The following IFT74 variants were observed in gnomAD, a reference collection of about 807,000 sequenced individuals.
IFT74 encodes the protein intraflagellar transport 74, also known as intraflagellar transport protein 74 homolog.
A neutral mutation model predicts 96.7 loss-of-function variants in IFT74; 92 were observed. The observed-to-expected ratio is 0.95, with a 90% CI of 0.80 to 1.13. The LOEUF (loss-of-function observed/expected upper bound fraction) is 1.13. Ranked by LOEUF, IFT74 falls within the 50% of genes most tolerant of loss-of-function variation. IFT74 has a pLI of 0.00. For synonymous variants in IFT74, 223 were observed against 213.2 expected, an observed-to-expected ratio of 1.05 and a Z score of -0.40; for missense variants, 811 against 698.2, an observed-to-expected ratio of 1.16 and a Z score of -1.82.
intron 8 of IFT74, among the ~76,000 whole-genome samples, chr9:27,000,154 A>T (rs1379051913): frequency 6.6e-6 from 1 of 152,172 alleles, no homozygotes; most frequent in Non-Finnish European, 1.5e-5. Flanking sequence ...TTGCACTCTG[A>T]TCTTAATAAA....
intron 13 of IFT74, chr9:27,036,355 GT>G: frequency 6.9e-7 from 1 of 1,446,328 alleles, no homozygotes; most frequent in Non-Finnish European, 9.1e-7. Context: ...TAATGCCAAA[GT>G]TAGTTTAAAA....
rs189323344 is a variant in IFT74, at chr9:27,034,291, A to C, written c.1054+5187A>C. The stretch of plus-strand genomic sequence containing the variant: ...ATAATAGAAATATATGCAAAGTGCT[A>C]TAGGAATATTGAATTACTGTCTTAA... On this transcript the variant is annotated intron_variant, in intron 13 of 19. Coordinates refer to ENST00000380062, the MANE Select transcript of IFT74 (RefSeq NM_025103.4). 2.8e-4 allele frequency among the ~76,000 whole-genome samples: 43 copies of C among 152,344 alleles called. No homozygotes were observed. In the East Asian group the frequency reaches 6.4e-3, roughly 23 times the overall value.
intron 13 of IFT74, among the ~76,000 whole-genome samples, chr9:27,032,238 C>G (rs1188523005): frequency 6.6e-6 from 1 of 152,198 alleles, no homozygotes; most frequent in African/African-American, 2.4e-5. Context: ...TTCTCCATCT[C>G]CTTTCAGCTT....
chr9:26,958,776 A>G, intron 1 of IFT74, among the ~76,000 whole-genome samples: 1 of 152,202 alleles, frequency 6.6e-6, no homozygotes, highest in East Asian at 1.9e-4. Context: ...AGTTGTGTGG[A>G]ATCAGTTTAT....
intron 12 of IFT74, among the ~76,000 whole-genome samples, chr9:27,024,641 A>C (rs537379656): frequency 6.6e-6 from 1 of 152,210 alleles, no homozygotes; most frequent in Non-Finnish European, 1.5e-5. Context: ...CACTAGTACC[A>C]GCAGTGGATC....
intron 8 of IFT74, chr9:26,993,747 C>T (rs546364931): frequency 1.3e-5 from 2 of 152,266 alleles, no homozygotes; most frequent in Admixed American, 6.5e-5. Context: ...ATATTATACC[C>T]TTATTTAGCT....
intron 12 of IFT74, among the ~76,000 whole-genome samples, chr9:27,021,280 A>G (rs1430299551): frequency 6.6e-6 from 1 of 152,066 alleles, no homozygotes; most frequent in Admixed American, 6.5e-5. Context: ...TGCAAATTGT[A>G]CTGCTGTCAA....
At chr9:26,959,435 G>C (rs1056809433) in intron 1 of IFT74, among the ~76,000 whole-genome samples, 37 of 152,292 alleles carry the variant, frequency 2.4e-4, no homozygotes, top group African/African-American at 8.9e-4. Flanking sequence ...TAGGAATTTG[G>C]CTGCATAAGG....
chr9:26,979,060 A>G (rs563819953), intron 3 of IFT74, among the ~76,000 whole-genome samples: 1 of 152,222 alleles, frequency 6.6e-6, no homozygotes, highest in Non-Finnish European at 1.5e-5. Context: ...ATGATCTATC[A>G]GGAATGAAGA....
intron 2 of IFT74, among the ~76,000 whole-genome samples, chr9:26,969,082 T>C (rs1563939771): frequency 6.6e-6 from 1 of 152,174 alleles, no homozygotes; most frequent in Non-Finnish European, 1.5e-5. Context: ...TTTTGCTGTA[T>C]CACATAGGTT....
chr9:27,039,270 G>A (rs1228309252), intron 13 of IFT74, among the ~76,000 whole-genome samples: 2 of 152,128 alleles, frequency 1.3e-5, no homozygotes, highest in Non-Finnish European at 2.9e-5. Context: ...GCCTCAAGCA[G>A]TCCTCTTATC....
intron 8 of IFT74, among the ~76,000 whole-genome samples, chr9:27,004,820 T>C (rs1305565766): frequency 6.6e-6 from 1 of 152,138 alleles, no homozygotes; most frequent in African/African-American, 2.4e-5. Context: ...CAAAATTACG[T>C]GCATTTTTAC....
intron 12 of IFT74, among the ~76,000 whole-genome samples, chr9:27,022,023 G>A (rs935404439): frequency 6.6e-6 from 1 of 152,188 alleles, no homozygotes; most frequent in Non-Finnish European, 1.5e-5. Context: ...TGAGAGATGA[G>A]GATCCAGTTT....
At chr9:26,947,247 G>A in intron 1 of IFT74, 2 of 573,844 alleles carry the variant, frequency 3.5e-6, no homozygotes, top group Non-Finnish European at 6.0e-6. Flanking sequence ...AAGCCTGACA[G>A]GCACTCCGGA....
At chr9:27,028,806 G>C (rs1587381045) in intron 12 of IFT74, 1 of 345,068 alleles carries the variant, frequency 2.9e-6, no homozygotes, top group African/African-American at 2.2e-5. Context: ...TAAATTTATA[G>C]TATTGTCCTC....
At chr9:26,970,609 A>G (rs1460484131) in intron 2 of IFT74, among the ~76,000 whole-genome samples, 2 of 152,258 alleles carry the variant, frequency 1.3e-5, no homozygotes, top group African/African-American at 4.8e-5. Flanking sequence ...TTATGCTTGC[A>G]TAAAGCCAAA....
intron 11 of IFT74, among the ~76,000 whole-genome samples, 170 bp downstream of exon 11, chr9:27,017,220 A>G (rs537410910): frequency 1.3e-5 from 2 of 151,944 alleles, no homozygotes; most frequent in East Asian, 3.9e-4. Flanking sequence ...CTCTTTTATT[A>G]TTATTATTAT....
At chr9:26,991,665 T>C (rs1204334403) in intron 8 of IFT74, among the ~76,000 whole-genome samples, 1 of 152,136 alleles carries the variant, frequency 6.6e-6, no homozygotes, top group Non-Finnish European at 1.5e-5. Context: ...ATCCTGGTTT[T>C]AATCCATTTA....
chr9:27,026,921 C>T (rs1829888753), intron 12 of IFT74, among the ~76,000 whole-genome samples: 1 of 139,852 alleles, frequency 7.2e-6, no homozygotes, highest in African/African-American at 2.7e-5. Flanking sequence ...GGAACTAGAG[C>T]AACAAGCACA....
Sources: gnomAD v4.1 joint callset for allele counts (sites outside exome capture counted in the v4.1 genomes callset) on GRCh38, gnomAD v4.1.1 for gene constraint, MANE v1.5 for transcripts, NCBI Gene and HGNC (gene_info 2026-07-23, HGNC 2026-07-21) for gene names.